PIK3R5: variants seen among roughly 807,000 people sequenced by gnomAD.
PIK3R5 encodes the protein phosphoinositide-3-kinase regulatory subunit 5.
In PIK3R5, 32 loss-of-function variants were observed where a neutral mutation model predicts 94.9. The ratio of observed to expected loss-of-function variants is 0.34; its 90% CI spans 0.25 to 0.45. The LOEUF is 0.45. PIK3R5 is among the 20% of genes least tolerant of loss of function. The pLI is 1.00. For missense variants in PIK3R5, 853 were observed against 1,144.6 expected (o/e 0.75, Z 3.68); for synonymous variants, 443 against 479.4 (o/e 0.92, Z 0.99).
chr17:8,943,456 T>G (rs1324560102), intron 1 of PIK3R5, among the ~76,000 whole-genome samples: 1 of 152,082 alleles, frequency 6.6e-6, no homozygotes, highest in East Asian at 1.9e-4. Context: ...AATCTAATAC[T>G]TGAGCACACA....
At position 8,881,657 on chromosome 17, in the gene PIK3R5, G is replaced by A; in HGVS notation, c.2355C>T (p.Asn785=). Residue 785 remains asparagine (N), a synonymous_variant, in exon 17 of 19, where the codon AAC becomes AAT. Transcript: ENST00000447110. This position sits in a 1 kb window ranked among gnomAD's most constrained non-coding sequence, Gnocchi z 4.8. ...GGTTAAAGCCCTTCTTGGATTTGGA[G>A]TTCTGCCTTTTCACCACTTCTGTCA... The part of the protein sequence containing the change: ...LNLTEVVKRQ[N]SKSKKGFNQI... The A allele has an allele frequency of 6.2e-7, 1 of 1,613,538 alleles. No individual in the cohort carries two copies. The highest frequency in any genetic ancestry group is 8.5e-7 in the Non-Finnish European group (1 of 1,179,696).
In PIK3R5 at chr17:8,882,067, G is replaced by A; in HGVS notation, c.2206-186C>T. On this transcript the variant is annotated intron_variant, in intron 15 of 18. Transcript: ENST00000447110. The surrounding 1 kb of genome is among the most constrained non-coding windows in gnomAD (Gnocchi z 4.1). ...TGGATGACTCCAGGGAAGAGCTCAC[G>A]TCACTGGCTTGGTCTAGGGGTCAGC... is the stretch of plus-strand genomic sequence containing the variant. 5.0e-6 allele frequency: 3 copies of A among 596,986 alleles called. No homozygotes were observed. The highest frequency in any genetic ancestry group is 2.0e-5 in the South Asian group (1 of 51,270). The allele number at this position is 596,986 out of a possible 1,614,324, so 37.0% of individuals were successfully genotyped here. A position where few individuals can be genotyped will look rare whatever the true frequency, so the allele number is the denominator to read the frequency against.
chr17:8,953,745 C>A (rs1348722216), intron 1 of PIK3R5, among the ~76,000 whole-genome samples: 1 of 152,176 alleles, frequency 6.6e-6, no homozygotes, highest in Non-Finnish European at 1.5e-5. Context: ...GAAAGCCCAA[C>A]CCACCTTCCA....
chr17:8,963,471 C>T (rs2091601359), intron 1 of PIK3R5, among the ~76,000 whole-genome samples: 3 of 152,098 alleles, frequency 2.0e-5, no homozygotes, highest in African/African-American at 7.2e-5. Context: ...ACCCCAAATG[C>T]TCTTGTCACC....
intron 1 of PIK3R5, among the ~76,000 whole-genome samples, chr17:8,931,722 G>C (rs915557256): frequency 2.0e-5 from 3 of 152,276 alleles, no homozygotes; most frequent in African/African-American, 7.2e-5. Flanking sequence ...CATGAAGCCT[G>C]GCAGAAACAG....
In PIK3R5 at chr17:8,923,221, G is replaced by A. The variant is rs58641093; in HGVS notation, c.-13-11714C>T. 9.8e-3 allele frequency among the ~76,000 whole-genome samples: 1,485 copies of A among 152,238 alleles called. 21 individuals are homozygous for A. The highest frequency in any genetic ancestry group is 0.034 in the African/African-American group (1,412 of 41,512). On this transcript the variant is annotated intron_variant, in intron 1 of 18. Coordinates refer to ENST00000447110, the MANE Select transcript of PIK3R5 (RefSeq NM_001142633.3). Reference sequence around the variant, plus strand: ...CTAAAAGACTTTCCCAAGGACATACGGATAGCACAGAGAGGATTCGAACTA... The same window carrying A: ...CTAAAAGACTTTCCCAAGGACATACAGATAGCACAGAGAGGATTCGAACTA...
intron 1 of PIK3R5, among the ~76,000 whole-genome samples, chr17:8,963,177 A>G (rs1162913097): frequency 6.6e-6 from 1 of 152,144 alleles, no homozygotes; most frequent in African/African-American, 2.4e-5. Flanking sequence ...TCAGGCTTTT[A>G]GCTCACCAGC....
At chr17:8,950,576 C>T (rs2091358724) in intron 1 of PIK3R5, among the ~76,000 whole-genome samples, 1 of 152,198 alleles carries the variant, frequency 6.6e-6, no homozygotes, top group South Asian at 2.1e-4. Flanking sequence ...CATTAATTTG[C>T]TTAGGATTAT....
At chr17:8,905,831 C>CTTTTT in intron 3 of PIK3R5, 94 bp from the exon 4 acceptor site, 2 of 381,350 alleles carry the variant, frequency 5.2e-6, no homozygotes, top group Non-Finnish European at 9.0e-6. Flanking sequence ...TCTAGCCTTT[C>CTTTTT]TTTTTTTTTT....
intron 1 of PIK3R5, among the ~76,000 whole-genome samples, chr17:8,918,004 CT>C (rs1204862413): frequency 3.9e-5 from 6 of 152,124 alleles, no homozygotes; most frequent in African/African-American, 1.4e-4. Context: ...TGGAATGAAC[CT>C]TGTGGAGTTG....
At chr17:8,958,758 C>G (rs1389228949) in intron 1 of PIK3R5, among the ~76,000 whole-genome samples, 2 of 150,478 alleles carry the variant, frequency 1.3e-5, no homozygotes, top group Non-Finnish European at 3.0e-5. Context: ...TTTTCTCTCT[C>G]TCTTTTTTTT....
rs139641902 is a variant in PIK3R5, at chr17:8,947,460, T to G, written c.-14+18136A>C. Among the ~76,000 whole-genome samples, 822 of 152,234 alleles carry G rather than the reference T, an allele frequency of 5.4e-3. 16 individuals are homozygous for G. Among genetic ancestry groups the G allele is most frequent in the African/African-American group, 0.019 (780 of 41,530 alleles). On this transcript the variant is annotated intron_variant, in intron 1 of 18. Coordinates refer to ENST00000447110, the MANE Select transcript of PIK3R5 (RefSeq NM_001142633.3). ...CATAGTCAGACGCGAGTCATAGACT[T>G]TATGAAAGCAGCTATCCAAGGGGCT... is the stretch of plus-strand genomic sequence containing the variant.
intron 18 of PIK3R5, 29 bp downstream of exon 18, chr17:8,880,876 C>T (rs772190451): frequency 1.2e-6 from 2 of 1,612,756 alleles, no homozygotes. Flanking sequence ...GCAGAAACTG[C>T]TCCCCTCCCT....
In PIK3R5 at chr17:8,880,998, T is replaced by C. The variant is rs969111742; in HGVS notation, c.2402A>G (p.Lys801Arg). 17 of 1,613,956 alleles carry C rather than the reference T, an allele frequency of 1.1e-5. No individual in the cohort carries two copies. The highest frequency in any genetic ancestry group is 1.1e-5 in the Non-Finnish European group (13 of 1,179,924). Reference sequence around the variant, plus strand: ...GCCGATGATCTGCACCTTGTCCACTTTGATCTGCGATGTGCTAATCTGGAA... The same window carrying C: ...GCCGATGATCTGCACCTTGTCCACTCTGATCTGCGATGTGCTAATCTGGAA... Reference protein sequence around the residue: ...GFNQISTSQIKVDKVQIIGSN... With the variant: ...GFNQISTSQIRVDKVQIIGSN... Residue 801 changes from lysine to arginine, a missense_variant, in exon 18 of 19, where the codon AAA (lysine) becomes AGA (arginine). By Grantham distance (26) the Lys-to-Arg change is conservative. Transcript: ENST00000447110.
chr17:8,953,792 C>A (rs1169138416), intron 1 of PIK3R5, among the ~76,000 whole-genome samples: 2 of 152,174 alleles, frequency 1.3e-5, no homozygotes, highest in African/African-American at 2.4e-5. Context: ...GCCCAAGAGA[C>A]AACAAGGGCT....
chr17:8,938,349 G>C (rs530909198), intron 1 of PIK3R5, among the ~76,000 whole-genome samples: 1 of 152,174 alleles, frequency 6.6e-6, no homozygotes, highest in African/African-American at 2.4e-5. Context: ...AATGTCCATA[G>C]GTTTGGCAGT....
At chr17:8,957,218 T>C (rs550863947) in intron 1 of PIK3R5, among the ~76,000 whole-genome samples, 46 of 152,216 alleles carry the variant, frequency 3.0e-4, no homozygotes, top group Non-Finnish European at 5.7e-4. Context: ...ATTTCCATAA[T>C]ATATAACATG....
rs2090528981 is a variant in PIK3R5 at position 8,911,702 on chromosome 17, G to A, written c.-13-195C>T. 9.1e-6 allele frequency: 5 copies of A among 550,960 alleles called. No individual in the cohort carries two copies. The highest frequency in any genetic ancestry group is 8.4e-5 in the South Asian group (4 of 47,646). 34.1% of individuals were successfully genotyped at this position (550,960 alleles called of 1,614,324 possible). On this transcript the variant is annotated intron_variant, in intron 1 of 18. Coordinates refer to ENST00000447110, the MANE Select transcript of PIK3R5 (RefSeq NM_001142633.3). This position sits in a 1 kb window ranked among gnomAD's most constrained non-coding sequence, Gnocchi z 5.3. ...ATGGCATCTGGAGGGCCACATCTGA[G>A]TGGCAGGACAGAGCACCCCTGCAGC...
At chr17:8,947,373 G>A (rs2091291373) in intron 1 of PIK3R5, among the ~76,000 whole-genome samples, 1 of 152,208 alleles carries the variant, frequency 6.6e-6, no homozygotes, top group Non-Finnish European at 1.5e-5. Flanking sequence ...GCAGTGAGAG[G>A]AAAATGGGGA....
Sources: allele counts gnomAD v4.1 joint callset (sites outside exome capture counted in the v4.1 genomes callset), GRCh38; gene constraint gnomAD v4.1.1; non-coding constraint Gnocchi (gnomAD v3.1); transcripts MANE v1.5; gene names NCBI Gene and HGNC (gene_info 2026-07-23, HGNC 2026-07-21).